The following PAX7 variants were observed in gnomAD, a reference collection of about 807,000 sequenced individuals.
The protein encoded by PAX7 is paired box 7, also known as paired box protein Pax-7.
In PAX7, 18 loss-of-function variants were observed where a neutral mutation model predicts 50.7. That is an observed-to-expected ratio of 0.36 (90% confidence interval 0.25 to 0.53). PAX7 has a LOEUF of 0.53. PAX7 is among the 20% of genes least tolerant of loss of function. PAX7 has a pLI of 0.93. For synonymous variants in PAX7, 310 were observed against 290.4 expected, an observed-to-expected ratio of 1.07 and a Z score of -0.69; for missense variants, 644 against 702.9, an observed-to-expected ratio of 0.92 and a Z score of 0.95.
At position 18,712,092 on chromosome 1, in the gene PAX7, G is replaced by A. The variant is rs142101497; in HGVS notation, c.1155+8796G>A. Among the ~76,000 whole-genome samples, 934 of 152,358 alleles carry A rather than the reference G, an allele frequency of 6.1e-3. 10 individuals are homozygous for A. The highest frequency in any genetic ancestry group is 0.021 in the African/African-American group (878 of 41,582). On this transcript the variant is annotated intron_variant, in intron 7 of 8. Coordinates refer to ENST00000420770, the MANE Select transcript of PAX7 (RefSeq NM_001135254.2). ...GCGAGGCCAGCCCCAGGGTAGGGAT[G>A]AACTGCAAGGCTCAGGGAAGCAGCC...
intron 7 of PAX7, among the ~76,000 whole-genome samples, chr1:18,724,421 C>T (rs1397432221): frequency 6.6e-6 from 1 of 152,260 alleles, no homozygotes; most frequent in Non-Finnish European, 1.5e-5. Flanking sequence ...ACACTGCGGG[C>T]ATGGTAGCTC....
At chr1:18,633,533 C>T (rs747266071) in intron 1 of PAX7, among the ~76,000 whole-genome samples, 11 of 152,190 alleles carry the variant, frequency 7.2e-5, no homozygotes, top group Non-Finnish European at 1.2e-4. Context: ...TTTGTGAGGC[C>T]AAGTCGACTA....
rs75140196 is a variant in PAX7, at chr1:18,700,147, A to G, written c.787-506A>G. Among the ~76,000 whole-genome samples the G allele has an allele frequency of 0.021, 3,159 of 147,718 alleles. 110 individuals are homozygous for G. Among genetic ancestry groups the G allele is most frequent in the African/African-American group, 0.07 (2,790 of 39,946 alleles). On this transcript the variant is annotated intron_variant, in intron 5 of 8. Coordinates refer to ENST00000420770, the MANE Select transcript of PAX7 (RefSeq NM_001135254.2). The surrounding 1 kb of genome is among the most constrained non-coding windows in gnomAD (Gnocchi z 4.8). ...TATTTCAAGGAGGCCCAGGGTGTGTAAGCAAAGTAGGGCCTCAGTCTCCAG... is the reference window on the plus strand; with the variant it reads ...TATTTCAAGGAGGCCCAGGGTGTGTGAGCAAAGTAGGGCCTCAGTCTCCAG...
chr1:18,647,126 G>A (rs1557507413), intron 4 of PAX7, among the ~76,000 whole-genome samples: 1 of 152,110 alleles, frequency 6.6e-6, no homozygotes, highest in Non-Finnish European at 1.5e-5. Context: ...CTCCGGGCGA[G>A]GGGAGCCGGG....
intron 5 of PAX7, among the ~76,000 whole-genome samples, 191 bp downstream of exon 5, chr1:18,692,144 G>A (rs2089081127): frequency 6.6e-6 from 1 of 152,084 alleles, no homozygotes; most frequent in African/African-American, 2.4e-5. Flanking sequence ...TTGACTGAGA[G>A]CTGGACAGCC....
chr1:18,669,733 ACAGTAG>A (rs2088716826), intron 4 of PAX7, among the ~76,000 whole-genome samples: 1 of 152,216 alleles, frequency 6.6e-6, no homozygotes, highest in Non-Finnish European at 1.5e-5. Context: ...TGAGACGTGG[ACAGTAG>A]CTTGGCCTCT....
chr1:18,710,542 C>A (rs2089337601), intron 7 of PAX7, among the ~76,000 whole-genome samples: 1 of 151,614 alleles, frequency 6.6e-6, no homozygotes, highest in African/African-American at 2.4e-5. Context: ...GTTAAATAGC[C>A]CAGAATTTAA....
intron 7 of PAX7, among the ~76,000 whole-genome samples, chr1:18,732,019 C>T (rs1205880972): frequency 1.3e-5 from 2 of 152,180 alleles, no homozygotes; most frequent in Non-Finnish European, 2.9e-5. Flanking sequence ...GATTCAGCCC[C>T]CTCAGCCCCA....
In PAX7 at chr1:18,632,016, A is replaced by T. The variant is rs912510354; in HGVS notation, c.85+328A>T. 6.6e-6 allele frequency among the ~76,000 whole-genome samples: 1 copy of T among 151,664 alleles called. No homozygotes were observed. Among genetic ancestry groups the T allele is most frequent in the Non-Finnish European group, 1.5e-5 (1 of 67,938 alleles). ...TCAGCTCTTTCCACTATTTCCAGAC[A>T]CTTCTTCCCTGACAGTTTCTCGGCT... On this transcript the variant is annotated intron_variant, in intron 1 of 8. Coordinates refer to ENST00000420770, the MANE Select transcript of PAX7 (RefSeq NM_001135254.2). This position sits in a 1 kb window ranked among gnomAD's most constrained non-coding sequence, Gnocchi z 6.3.
intron 7 of PAX7, among the ~76,000 whole-genome samples, chr1:18,706,807 A>G (rs1312351336): frequency 1.3e-5 from 2 of 152,094 alleles, no homozygotes; most frequent in East Asian, 1.9e-4. Flanking sequence ...TACAGAAGCC[A>G]AAGGGGCTTA....
chr1:18,657,402 G>GA (rs548288381), intron 4 of PAX7, among the ~76,000 whole-genome samples: 5,408 of 141,974 alleles, frequency 0.038, 130 homozygotes, highest in African/African-American at 0.076. Context: ...CACCTTCCAT[G>GA]AAAAAAAAAA....
At chr1:18,711,668 T>G (rs536944687) in intron 7 of PAX7, among the ~76,000 whole-genome samples, 1 of 152,186 alleles carries the variant, frequency 6.6e-6, no homozygotes, top group Non-Finnish European at 1.5e-5. Flanking sequence ...TTGACTCAAG[T>G]TGGCAGGGCA....
intron 7 of PAX7, among the ~76,000 whole-genome samples, chr1:18,730,924 G>A (rs529348809): frequency 2.0e-5 from 3 of 151,832 alleles, no homozygotes; most frequent in Admixed American, 6.6e-5. Context: ...GGTAGGGGCC[G>A]TGGCGGGTGG....
chr1:18,681,810 G>A (rs1570164687), intron 4 of PAX7, among the ~76,000 whole-genome samples: 2 of 151,292 alleles, frequency 1.3e-5, no homozygotes, highest in East Asian at 1.9e-4. Context: ...GGAGTGCAAT[G>A]GTGCAATCTC....
intron 7 of PAX7, among the ~76,000 whole-genome samples, chr1:18,725,404 C>T (rs1012927647): frequency 5.9e-5 from 9 of 151,986 alleles, no homozygotes; most frequent in African/African-American, 1.9e-4. Context: ...AGGAGGCCCT[C>T]CTCCCTCCCC....
At chr1:18,725,987 T>C (rs1325104271) in intron 7 of PAX7, among the ~76,000 whole-genome samples, 2 of 143,104 alleles carry the variant, frequency 1.4e-5, no homozygotes, top group Admixed American at 7.1e-5. Flanking sequence ...AGAGTGTGTG[T>C]GTGTGTGCGC....
rs531150611 is a variant in PAX7 at position 18,640,988 on chromosome 1, C to G, written c.586+4617C>G. Reference sequence around the variant, plus strand: ...CTCCCCTTTTCTTCCCTCCATCCCCCCAACCGAAGAAGAGAGAGGGGGAGG... The same window carrying G: ...CTCCCCTTTTCTTCCCTCCATCCCCGCAACCGAAGAAGAGAGAGGGGGAGG... On this transcript the variant is annotated intron_variant, in intron 4 of 8. Transcript: ENST00000420770. 2.6e-5 allele frequency among the ~76,000 whole-genome samples: 4 copies of G among 152,318 alleles called. No individual in the cohort carries two copies. The South Asian group carries it at 6.2e-4, about 24-fold the overall frequency.
intron 7 of PAX7, among the ~76,000 whole-genome samples, chr1:18,719,451 A>AG (rs2089467903): frequency 1.3e-5 from 2 of 152,232 alleles, no homozygotes; most frequent in Admixed American, 1.3e-4. Context: ...CCCAGCCCCT[A>AG]GGCCCTGAGG....
intron 4 of PAX7, 46 bp from the exon 5 acceptor site, chr1:18,691,708 A>G (rs1455036217): frequency 6.5e-7 from 1 of 1,530,146 alleles, no homozygotes; most frequent in South Asian, 1.2e-5. Flanking sequence ...GCACCCTTCC[A>G]TCTCTCTAAG....
Sources: allele counts gnomAD v4.1 joint callset (sites outside exome capture counted in the v4.1 genomes callset), GRCh38; gene constraint gnomAD v4.1.1; non-coding constraint Gnocchi (gnomAD v3.1); transcripts MANE v1.5; gene names NCBI Gene and HGNC (gene_info 2026-07-23, HGNC 2026-07-21).